MKLN1: variants seen among roughly 807,000 people sequenced by gnomAD.
The protein encoded by MKLN1 is muskelin 1.
In MKLN1, 18 loss-of-function variants were observed where a neutral mutation model predicts 99.0. The observed-to-expected ratio is 0.18, with a 90% CI of 0.13 to 0.27. The LOEUF (loss-of-function observed/expected upper bound fraction) is 0.27. Among genes scored for constraint, MKLN1 ranks in the 10% least tolerant of loss-of-function variants. The pLI, the probability that MKLN1 is intolerant of heterozygous loss-of-function variation, is 1.00. For synonymous variants in MKLN1, 288 were observed against 293.2 expected (o/e 0.98, Z 0.18); for missense variants, 621 against 875.9 (o/e 0.71, Z 3.67).
At chr7:131,335,985 A>AT (rs200851647) in intron 1 of MKLN1, among the ~76,000 whole-genome samples, 3,324 of 142,222 alleles carry the variant, frequency 0.023, 52 homozygotes, top group African/African-American at 0.058. Context: ...TCCTTACTGA[A>AT]TTTTTTTTTT....
At chr7:131,405,315 T>C (rs954748157) in intron 6 of MKLN1, among the ~76,000 whole-genome samples, 7 of 151,764 alleles carry the variant, frequency 4.6e-5, no homozygotes, top group Non-Finnish European at 1.0e-4. Context: ...TTCTGCAGGA[T>C]TTCTTGAGAT....
intron 15 of MKLN1, 50 bp from the exon 16 acceptor site, chr7:131,470,792 C>A (rs1336938513): frequency 4.2e-6 from 5 of 1,186,928 alleles, no homozygotes; most frequent in Non-Finnish European, 6.3e-6. Context: ...AAAGACATTT[C>A]TGATATTTTC....
In MKLN1 at chr7:131,224,063, T is replaced by C. The variant is rs1406237450; in HGVS notation, c.-179+21089T>C. On this transcript the variant is annotated intron_variant, in intron 3 of 7. Transcript: ENST00000416992. ...ACAGGTGTGAGCCGCTGAACCCACCTGCATTTGCATCTTAACAGGGACATC... is the reference window on the plus strand; with the variant it reads ...ACAGGTGTGAGCCGCTGAACCCACCCGCATTTGCATCTTAACAGGGACATC... Among the ~76,000 whole-genome samples the C allele has an allele frequency of 2.2e-5, 3 of 137,670 alleles. No individual in the cohort carries two copies. In the Admixed American group the frequency reaches 2.3e-4, roughly 10 times the overall value. The allele number at this position is 137,670 out of a possible 152,430, so 90.3% of individuals were successfully genotyped here.
intron 1 of MKLN1, among the ~76,000 whole-genome samples, chr7:131,349,439 C>G (rs181816974): frequency 9.2e-4 from 140 of 152,306 alleles, no homozygotes; most frequent in Admixed American, 8.5e-3. Context: ...TTGTGATCCA[C>G]CTGCCTCAGC....
At chr7:131,311,272 T>C (rs914299985) in intron 3 of MKLN1, 1 of 152,164 alleles carries the variant, frequency 6.6e-6, no homozygotes, top group African/African-American at 2.4e-5. Context: ...AACTGCTTTA[T>C]GAGAAGAGAA....
chr7:131,393,040 C>T (rs574234440), intron 4 of MKLN1, among the ~76,000 whole-genome samples: 2 of 152,030 alleles, frequency 1.3e-5, no homozygotes, highest in Admixed American at 1.3e-4. Flanking sequence ...CACCACCACA[C>T]CTGGCTAATT....
chr7:131,248,662 AT>A (rs1221794331), intron 3 of MKLN1, among the ~76,000 whole-genome samples: 1 of 151,900 alleles, frequency 6.6e-6, no homozygotes, highest in Non-Finnish European at 1.5e-5. Context: ...AGCAAAATCC[AT>A]TTTTTTTCTC....
chr7:131,250,035 A>G (rs566091842), intron 3 of MKLN1, among the ~76,000 whole-genome samples: 1 of 152,316 alleles, frequency 6.6e-6, no homozygotes, highest in East Asian at 1.9e-4. Flanking sequence ...TACGAGGACC[A>G]CTTTGTAGAA....
intron 1 of MKLN1, among the ~76,000 whole-genome samples, chr7:131,361,077 T>C (rs1800015320): frequency 6.6e-6 from 1 of 152,048 alleles, no homozygotes; most frequent in Admixed American, 6.6e-5. Flanking sequence ...TTTGGTTTTC[T>C]GCAGTTTGAA....
chr7:131,443,749 T>C (rs1404141261), intron 11 of MKLN1, 47 bp downstream of exon 11: 2 of 1,327,468 alleles, frequency 1.5e-6, no homozygotes, highest in Non-Finnish European at 2.2e-6. Context: ...GTCATGTATA[T>C]CTAGATAGGA....
intron 3 of MKLN1, among the ~76,000 whole-genome samples, chr7:131,280,263 G>A (rs6968257): frequency 0.91 from 138,404 of 152,242 alleles, 63,144 homozygotes; most frequent in East Asian, 1. Context: ...GCTGCTATGA[G>A]CATTCACGTA....
At chr7:131,298,433 T>C (rs1373717453) in intron 3 of MKLN1, among the ~76,000 whole-genome samples, 2 of 152,242 alleles carry the variant, frequency 1.3e-5, no homozygotes, top group Non-Finnish European at 1.5e-5. Flanking sequence ...ACAGCCTCTA[T>C]CTGGGGAACA....
chr7:131,389,354 G>C (rs1364001786), intron 4 of MKLN1, among the ~76,000 whole-genome samples: 3 of 151,994 alleles, frequency 2.0e-5, no homozygotes, highest in East Asian at 3.9e-4. Flanking sequence ...TTTATGGAAG[G>C]TTTATCACTT....
intron 3 of MKLN1, among the ~76,000 whole-genome samples, chr7:131,262,756 G>A (rs1234652664): frequency 1.3e-5 from 2 of 151,824 alleles, no homozygotes; most frequent in African/African-American, 4.8e-5. Context: ...TCACCACGTT[G>A]GCCAGGATGG....
chr7:131,414,516 T>TA (rs773442055), intron 7 of MKLN1, 129 bp from the exon 8 acceptor site: 30 of 539,858 alleles, frequency 5.6e-5, no homozygotes, highest in Admixed American at 1.7e-4. Context: ...TGAGTCCTTT[T>TA]ACTTATTAAT....
At chr7:131,380,961 G>GT (rs1302688235) in intron 2 of MKLN1, among the ~76,000 whole-genome samples, 1 of 152,124 alleles carries the variant, frequency 6.6e-6, no homozygotes, top group Non-Finnish European at 1.5e-5. Flanking sequence ...AAAATACAGG[G>GT]TTAGGTTCCT....
rs549496517 is a variant in MKLN1, at chr7:131,110,655, G to A, written c.-419+448G>A. On this transcript the variant is annotated intron_variant, in intron 1 of 7. Coordinates refer to the MKLN1 transcript ENST00000416992. ...ACGAAAATAATGCTCTTGGCCAGTG[G>A]CCTTGGACAAACAGCCTCTGGTGCA... 3.9e-5 allele frequency among the ~76,000 whole-genome samples: 6 copies of A among 152,280 alleles called. No homozygotes were observed. The East Asian group carries it at 1.2e-3, about 29-fold the overall frequency.
chr7:131,161,940 C>T (rs1488536559), intron 2 of MKLN1, among the ~76,000 whole-genome samples: 4 of 131,576 alleles, frequency 3.0e-5, no homozygotes, highest in African/African-American at 8.7e-5. Context: ...CATATATACA[C>T]ATATATATAC....
At chr7:131,236,669 A>T (rs532489697) in intron 3 of MKLN1, among the ~76,000 whole-genome samples, 6 of 152,218 alleles carry the variant, frequency 3.9e-5, no homozygotes, top group South Asian at 4.2e-4. Flanking sequence ...TCAAAAAAAA[A>T]TTTTAAAAAA....
Sources: gnomAD v4.1 joint callset for allele counts (sites outside exome capture counted in the v4.1 genomes callset) on GRCh38, gnomAD v4.1.1 for gene constraint, MANE v1.5 for transcripts, NCBI Gene and HGNC (gene_info 2026-07-23, HGNC 2026-07-21) for gene names.